Variants in CTNNA2 observed in about 807,000 individuals in gnomAD.
The protein encoded by CTNNA2 is catenin alpha 2.
Under a neutral mutation model 101.0 loss-of-function variants are expected in CTNNA2, and 42 were observed. That is an observed-to-expected ratio of 0.42 (90% CI 0.32 to 0.54). CTNNA2 has a LOEUF of 0.54. Among genes scored for constraint, CTNNA2 ranks in the 20% least tolerant of loss-of-function variants. CTNNA2 has a pLI of 0.14. For missense variants in CTNNA2, 871 were observed against 1,223.1 expected (o/e 0.71, Z 4.29); for synonymous variants, 450 against 456.4 (o/e 0.99, Z 0.18).
intron 7 of CTNNA2, among the ~76,000 whole-genome samples, chr2:80,358,947 A>G (rs542312693): frequency 6.6e-6 from 1 of 151,696 alleles, no homozygotes; most frequent in Non-Finnish European, 1.5e-5. Context: ...TCCTTTTTGC[A>G]TTGGGGTTTC....
At chr2:79,482,063 T>G (rs1671115228) in intron 4 of CTNNA2, among the ~76,000 whole-genome samples, 1 of 152,226 alleles carries the variant, frequency 6.6e-6, no homozygotes, top group Admixed American at 6.5e-5. Flanking sequence ...AAGATTTTTA[T>G]TTTCAGAATT....
chr2:79,222,930 T>C (rs566792081), intron 2 of CTNNA2, among the ~76,000 whole-genome samples: 5 of 152,068 alleles, frequency 3.3e-5, no homozygotes, highest in South Asian at 4.2e-4. Context: ...AAAGAATTGC[T>C]GAGTCCAGTG....
chr2:80,449,815 G>A (rs116680196), intron 9 of CTNNA2, among the ~76,000 whole-genome samples: 152 of 152,290 alleles, frequency 1.0e-3, no homozygotes, highest in African/African-American at 3.4e-3. Flanking sequence ...TGCTTGGTGT[G>A]TAGCCAAGTA....
intron 3 of CTNNA2, among the ~76,000 whole-genome samples, chr2:79,815,870 A>G (rs1187134880): frequency 6.6e-6 from 1 of 151,986 alleles, no homozygotes; most frequent in Non-Finnish European, 1.5e-5. Context: ...TTTTCACAAT[A>G]TTGATTGTGC....
intron 4 of CTNNA2, among the ~76,000 whole-genome samples, chr2:79,858,721 G>C (rs994132090): frequency 3.3e-5 from 5 of 152,082 alleles, no homozygotes; most frequent in Non-Finnish European, 7.4e-5. Context: ...AGTCAATCTT[G>C]TTTCACCAAG....
In CTNNA2 at chr2:80,303,205, G is replaced by C; in HGVS notation, c.1057-90006G>C. ...GCTCGGTGAGCTTAAACAAGCCGGCGAAAGAGTTGCGCGCCAGACTCTTGA... is the reference window on the plus strand; with the variant it reads ...GCTCGGTGAGCTTAAACAAGCCGGCCAAAGAGTTGCGCGCCAGACTCTTGA... On this transcript the variant is annotated intron_variant, in intron 7 of 18. Coordinates refer to ENST00000402739, the MANE Select transcript of CTNNA2 (RefSeq NM_001282597.3). The surrounding 1 kb of genome is among the most constrained non-coding windows in gnomAD (Gnocchi z 7.7). 1 of 1,613,932 alleles carries C rather than the reference G, an allele frequency of 6.2e-7. No homozygotes were observed. The highest frequency in any genetic ancestry group is 1.1e-5 in the South Asian group (1 of 91,080).
intron 4 of CTNNA2, among the ~76,000 whole-genome samples, chr2:79,405,465 A>G (rs188682966): frequency 1.9e-4 from 29 of 152,108 alleles, no homozygotes; most frequent in Non-Finnish European, 4.0e-4. Context: ...AGCTGGGATT[A>G]CAGGTGTGCA....
intron 3 of CTNNA2, among the ~76,000 whole-genome samples, chr2:79,759,232 A>G (rs1366210715): frequency 6.6e-6 from 1 of 152,058 alleles, no homozygotes; most frequent in Non-Finnish European, 1.5e-5. Flanking sequence ...TTTCTACTAA[A>G]AATACAAAAA....
rs6738083 is a variant in CTNNA2, at chr2:79,345,995, C to T, written c.-317-27836C>T. ...GATTACAGGCGTGAGCCACCGTGTC[C>T]GGCCAAATAGTTTTAATATGAAGAA... is the stretch of plus-strand genomic sequence containing the variant. On this transcript the variant is annotated intron_variant, in intron 3 of 21. Coordinates refer to the CTNNA2 transcript ENST00000466387. 5.7e-3 allele frequency among the ~76,000 whole-genome samples: 861 copies of T among 151,934 alleles called. 8 individuals are homozygous for T. Among genetic ancestry groups the T allele is most frequent in the African/African-American group, 0.019 (804 of 41,406 alleles).
At chr2:79,335,717 G>A (rs1034262154) in intron 3 of CTNNA2, among the ~76,000 whole-genome samples, 1 of 152,102 alleles carries the variant, frequency 6.6e-6, no homozygotes, top group African/African-American at 2.4e-5. Flanking sequence ...CTCATCTGTT[G>A]GGCAAAGATG....
Position 79,569,322 on chromosome 2 carries a change from TG to T in CTNNA2, c.-6+56121del, listed in dbSNP as rs992444947. Among the ~76,000 whole-genome samples the T allele has an allele frequency of 2.8e-4, 42 of 152,076 alleles. 1 individual carries two copies. The highest frequency in any genetic ancestry group is 1.0e-3 in the African/African-American group (42 of 41,498). ...AAGTAGATGAATGAACAGGGTCGGCTGGGGGGTCTTGAGGTATGAATGCATA... is the reference window on the plus strand; with the variant it reads ...AAGTAGATGAATGAACAGGGTCGGCTGGGGGTCTTGAGGTATGAATGCATA... On this transcript the variant is annotated intron_variant, in intron 1 of 18. Coordinates refer to ENST00000402739, the MANE Select transcript of CTNNA2 (RefSeq NM_001282597.3).
intron 2 of CTNNA2, among the ~76,000 whole-genome samples, chr2:79,252,014 G>T (rs181140259): frequency 6.6e-6 from 1 of 152,272 alleles, no homozygotes; most frequent in African/African-American, 2.4e-5. Flanking sequence ...GCTGTCAGAG[G>T]CCAGAGAATA....
chr2:80,465,261 C>T (rs1260769110), intron 9 of CTNNA2, among the ~76,000 whole-genome samples: 1 of 152,138 alleles, frequency 6.6e-6, no homozygotes, highest in African/African-American at 2.4e-5. Context: ...TAAATATATG[C>T]ATTTTGTGAT....
intron 2 of CTNNA2, among the ~76,000 whole-genome samples, chr2:79,233,569 A>C (rs1674522180): frequency 6.6e-6 from 1 of 152,146 alleles, no homozygotes; most frequent in Non-Finnish European, 1.5e-5. Flanking sequence ...TATTAGGTCC[A>C]ATTGGTCAAG....
chr2:79,750,254 T>A (rs1360670209), intron 3 of CTNNA2, among the ~76,000 whole-genome samples: 3 of 152,212 alleles, frequency 2.0e-5, no homozygotes, highest in Non-Finnish European at 4.4e-5. Flanking sequence ...GACTATGCAC[T>A]AATTGAGGGG....
chr2:79,299,338 C>G (rs900691619), intron 2 of CTNNA2, among the ~76,000 whole-genome samples: 1 of 152,112 alleles, frequency 6.6e-6, no homozygotes, highest in Non-Finnish European at 1.5e-5. Flanking sequence ...AACCTGTCAG[C>G]ATTATTCTGA....
chr2:79,787,818 G>A (rs1211671271), intron 3 of CTNNA2, among the ~76,000 whole-genome samples: 2 of 151,800 alleles, frequency 1.3e-5, no homozygotes, highest in Non-Finnish European at 1.5e-5. Flanking sequence ...CCCTTCCAAT[G>A]ACACTGGGCC....
At chr2:79,249,804 C>T (rs1674746131) in intron 2 of CTNNA2, among the ~76,000 whole-genome samples, 2 of 152,082 alleles carry the variant, frequency 1.3e-5, no homozygotes, top group South Asian at 2.1e-4. Context: ...ATGTTTAGTC[C>T]CCTCTTTAGA....
At chr2:80,580,797 T>G (rs913109730) in intron 13 of CTNNA2, among the ~76,000 whole-genome samples, 3 of 152,078 alleles carry the variant, frequency 2.0e-5, no homozygotes, top group African/African-American at 7.2e-5. Context: ...GGCAGATCAC[T>G]TCAGGCCAGG....
Sources: allele counts gnomAD v4.1 joint callset (sites outside exome capture counted in the v4.1 genomes callset), GRCh38; gene constraint gnomAD v4.1.1; non-coding constraint Gnocchi (gnomAD v3.1); transcripts MANE v1.5; gene names NCBI Gene and HGNC (gene_info 2026-07-23, HGNC 2026-07-21).